EIF4E3: variants seen among roughly 807,000 people sequenced by gnomAD.
The protein encoded by EIF4E3 is eukaryotic translation initiation factor 4E type 3.
In EIF4E3, 26 loss-of-function variants were observed where a neutral mutation model predicts 31.7. That is an observed-to-expected ratio of 0.82 (90% CI 0.60 to 1.14). EIF4E3 has a LOEUF of 1.14. EIF4E3 is among the 50% of genes most tolerant of loss of function. The pLI is 0.00. For missense variants in EIF4E3, 304 were observed against 270.9 expected (o/e 1.12, Z -0.86); for synonymous variants, 128 against 107.7 (o/e 1.19, Z -1.17).
chr3:71,725,353 CG>C lies in EIF4E3; in HGVS notation c.14del (p.Pro5ArgfsTer69), dbSNP rs2049619547. 2 of 976,516 alleles carry C rather than the reference CG, an allele frequency of 2.0e-6. No homozygotes were observed. The highest frequency in any genetic ancestry group is 1.8e-5 in the African/African-American group (1 of 56,388). The allele number at this position is 976,516 out of a possible 1,614,324, so 60.5% of individuals were successfully genotyped here. A position where few individuals can be genotyped will look rare whatever the true frequency, so the allele number is the denominator to read the frequency against. ...GGGCCCCGGCGGGGGGCGCGGCGGC[CG>C]GGGGCAGCGCCATTTTCTCCGCCCC... MALP[P>X]AAAPPAGARE... On this transcript the variant is annotated frameshift_variant, in exon 1 of 7. Transcript: ENST00000425534. LOFTEE classifies it high-confidence loss of function. This position sits in a 1 kb window ranked among gnomAD's most constrained non-coding sequence, Gnocchi z 6.1.
At chr3:71,754,523 A>G (rs1332599951), upstream of EIF4E3, 2 of 1,312,992 alleles carry the variant, frequency 1.5e-6, no homozygotes, top group Non-Finnish European at 9.7e-7. The surrounding 1 kb of genome is among the most constrained non-coding windows in gnomAD (Gnocchi z 5.8). Flanking sequence ...CCTTCCCGCC[A>G]GTGCTGGACG....
Position 71,703,811 on chromosome 3 carries a change from C to CAAAAA in EIF4E3, c.250-4108_250-4104dup, listed in dbSNP as rs370789059. Among the ~76,000 whole-genome samples the CAAAAA allele has an allele frequency of 7.8e-3, 562 of 72,138 alleles. 6 individuals are homozygous for CAAAAA. The highest frequency in any genetic ancestry group is 0.029 in the South Asian group (53 of 1,808). 47.3% of individuals were successfully genotyped at this position (72,138 alleles called of 152,430 possible). ...ACAAAACCACCCAGCAAACACACAT[C>CAAAAA]AAAAAAAAAAAAAAAAAAAAAAAAT... is the stretch of plus-strand genomic sequence containing the variant. On this transcript the variant is annotated intron_variant, in intron 2 of 6. Transcript: ENST00000425534.
chr3:71,698,922 C>T (rs4995840), intron 3 of EIF4E3, among the ~76,000 whole-genome samples: 29,427 of 152,078 alleles, frequency 0.19, 3,192 homozygotes, highest in African/African-American at 0.29. Flanking sequence ...TTTTTTTGCT[C>T]AAATTACATT....
Position 71,692,528 on chromosome 3 carries a change from T to C in EIF4E3, c.472+1347A>G, listed in dbSNP as rs1008448248. ...ACATTTTTGGCTGTATATTATCAAGTTGCTAAATACTCCCTATTAAAACAG... is the reference window on the plus strand; with the variant it reads ...ACATTTTTGGCTGTATATTATCAAGCTGCTAAATACTCCCTATTAAAACAG... On this transcript the variant is annotated intron_variant, in intron 5 of 6. Transcript: ENST00000425534. Among the ~76,000 whole-genome samples the C allele has an allele frequency of 2.6e-5, 4 of 152,308 alleles. 1 individual carries two copies. In the Middle Eastern group the frequency reaches 0.01, roughly 389 times the overall value.
At position 71,685,109 on chromosome 3, in the gene EIF4E3, C is replaced by T. The variant is rs181852822; in HGVS notation, c.629-381G>A. On this transcript the variant is annotated intron_variant, in intron 6 of 6. Coordinates refer to ENST00000425534, the MANE Select transcript of EIF4E3 (RefSeq NM_001134651.2). ...GGGGAGAGGGGGTGCCTGACACAAC[C>T]CAAGACAGAGCCGCTTACAAGCCTA... is the stretch of plus-strand genomic sequence containing the variant. 6.0e-3 allele frequency among the ~76,000 whole-genome samples: 913 copies of T among 151,922 alleles called. 9 individuals are homozygous for T. The highest frequency in any genetic ancestry group is 0.01 in the Non-Finnish European group (683 of 67,932).
At chr3:71,745,481 C>A (rs1461285273) in intron 1 of EIF4E3, among the ~76,000 whole-genome samples, 1 of 152,124 alleles carries the variant, frequency 6.6e-6, no homozygotes, top group Non-Finnish European at 1.5e-5. Flanking sequence ...ATGTACCCCC[C>A]AAATCGCCAC....
chr3:71,739,815 TATAAC>T (rs534815290), intron 1 of EIF4E3, among the ~76,000 whole-genome samples: 16 of 152,084 alleles, frequency 1.1e-4, no homozygotes, highest in Non-Finnish European at 8.8e-5. Context: ...ATGGGTAAAA[TATAAC>T]ATAATTTTGG....
At chr3:71,729,848 G>A (rs1050369266), upstream of EIF4E3, among the ~76,000 whole-genome samples, 46 of 144,140 alleles carry the variant, frequency 3.2e-4, no homozygotes, top group African/African-American at 1.2e-3. Flanking sequence ...GTATTTAAGT[G>A]TTTGTTGAAT....
chr3:71,713,175 T>A (rs756998440), intron 1 of EIF4E3, among the ~76,000 whole-genome samples: 1 of 152,174 alleles, frequency 6.6e-6, no homozygotes, highest in Non-Finnish European at 1.5e-5. Context: ...ATCCCTGCAA[T>A]CCTATTTATG....
chr3:71,746,195 G>T (rs183590476), intron 1 of EIF4E3, among the ~76,000 whole-genome samples: 1 of 152,122 alleles, frequency 6.6e-6, no homozygotes, highest in Non-Finnish European at 1.5e-5. Context: ...ACTTTGTGCT[G>T]TGTGACCACA....
At chr3:71,691,485 C>A (rs904969074) in intron 5 of EIF4E3, among the ~76,000 whole-genome samples, 1 of 152,066 alleles carries the variant, frequency 6.6e-6, no homozygotes, top group Non-Finnish European at 1.5e-5. Context: ...AAAAATGAGT[C>A]CACTTACGTA....
rs527790046 is a variant in EIF4E3, at chr3:71,692,767, C to T, written c.472+1108G>A. ...TGTCACTATGCCCAGCTAATTTTTG[C>T]ATTTTTTGTAGAGACAAGGGTCTCT... On this transcript the variant is annotated intron_variant, in intron 5 of 6. Transcript: ENST00000425534. Among the ~76,000 whole-genome samples the T allele has an allele frequency of 3.9e-5, 6 of 152,060 alleles. No homozygotes were observed. The South Asian group carries it at 1.2e-3, about 32-fold the overall frequency.
chr3:71,691,586 T>C (rs1370467043), intron 5 of EIF4E3, among the ~76,000 whole-genome samples: 1 of 152,334 alleles, frequency 6.6e-6, no homozygotes, highest in African/African-American at 2.4e-5. Flanking sequence ...GGGGGGATCC[T>C]GGCGGGCTGG....
downstream of EIF4E3, among the ~76,000 whole-genome samples, chr3:71,670,777 G>C (rs914226231): frequency 2.6e-5 from 4 of 152,162 alleles, no homozygotes; most frequent in African/African-American, 4.8e-5. Context: ...ACACTGGATA[G>C]CACGAAAAGA....
intron 6 of EIF4E3, among the ~76,000 whole-genome samples, chr3:71,685,218 A>G (rs985224467): frequency 2.6e-5 from 4 of 152,068 alleles, no homozygotes; most frequent in African/African-American, 9.7e-5. Flanking sequence ...CCTGCTCCCT[A>G]CCTCTCAACA....
At chr3:71,749,421 C>G (rs1295802942) in intron 1 of EIF4E3, among the ~76,000 whole-genome samples, 1 of 152,196 alleles carries the variant, frequency 6.6e-6, no homozygotes, top group Non-Finnish European at 1.5e-5. Flanking sequence ...TCCACTGGGC[C>G]TAGACTTTGG....
intron 5 of EIF4E3, among the ~76,000 whole-genome samples, chr3:71,690,465 A>G (rs2049049951): frequency 6.6e-6 from 1 of 152,146 alleles, no homozygotes; most frequent in Non-Finnish European, 1.5e-5. Context: ...CTTTGTGACT[A>G]TTTCTTACTC....
chr3:71,680,796 G>A lies in EIF4E3; in HGVS notation c.*3886C>T, dbSNP rs1212672409. Reference sequence around the variant, plus strand: ...AGATCCAGGCTTTTTACAATCCTGAGTCACCAAACTCTTGAGTAATTTTAA... The same window carrying A: ...AGATCCAGGCTTTTTACAATCCTGAATCACCAAACTCTTGAGTAATTTTAA... On this transcript the variant is annotated 3_prime_UTR_variant, in exon 7 of 7. Transcript: ENST00000425534. 6.6e-6 allele frequency: 1 copy of A among 152,110 alleles called. No individual in the cohort carries two copies. Among genetic ancestry groups the A allele is most frequent in the Non-Finnish European group, 1.5e-5 (1 of 68,032 alleles). 9.4% of individuals were successfully genotyped at this position (152,110 alleles called of 1,614,324 possible). A position where few individuals can be genotyped will look rare whatever the true frequency, so the allele number is the denominator to read the frequency against.
intron 2 of EIF4E3, 66 bp from the exon 3 acceptor site, chr3:71,699,774 T>A: frequency 7.3e-7 from 1 of 1,376,930 alleles, no homozygotes; most frequent in East Asian, 2.3e-5. Flanking sequence ...TGCTAGATTA[T>A]CAAATTAATG....
Sources: gnomAD v4.1 joint callset for allele counts (sites outside exome capture counted in the v4.1 genomes callset) on GRCh38, gnomAD v4.1.1 for gene constraint, Gnocchi (gnomAD v3.1) non-coding constraint, MANE v1.5 for transcripts, NCBI Gene and HGNC (gene_info 2026-07-23, HGNC 2026-07-21) for gene names.